The following FAN1 variants were observed in gnomAD, a reference collection of about 807,000 sequenced individuals.
FAN1 encodes FANCD2 and FANCI associated nuclease 1, also known as fanconi-associated nuclease 1.
A neutral mutation model predicts 104.9 loss-of-function variants in FAN1; 91 were observed. The ratio of observed to expected loss-of-function variants is 0.87; its 90% CI spans 0.73 to 1.03. The LOEUF (loss-of-function observed/expected upper bound fraction) is 1.03. Among genes scored for constraint, FAN1 ranks in the 50% least tolerant of loss-of-function variants. The pLI is 0.00. For missense variants in FAN1, 1,263 were observed against 1,239.9 expected (o/e 1.02, Z -0.28); for synonymous variants, 478 against 457.6 (o/e 1.04, Z -0.57).
chr15:30,918,097 G>C (rs2062232789), intron 5 of FAN1, 67 bp from the exon 6 acceptor site: 2 of 1,523,312 alleles, frequency 1.3e-6, no homozygotes, highest in Non-Finnish European at 9.1e-7. Flanking sequence ...AGATCTAGTG[G>C]CTAGGATGTG....
intron 12 of FAN1, 87 bp downstream of exon 12, chr15:30,929,484 A>G (rs944374056): frequency 2.3e-6 from 2 of 867,778 alleles, no homozygotes; most frequent in African/African-American, 1.8e-5. Flanking sequence ...CAAAATACAC[A>G]TGTGTGTATA....
intron 3 of FAN1, among the ~76,000 whole-genome samples, chr15:30,909,899 G>A (rs770563882): frequency 6.6e-6 from 1 of 152,218 alleles, no homozygotes; most frequent in Non-Finnish European, 1.5e-5. Context: ...TTTGCCTCCT[G>A]AGTTGTGTTT....
chr15:30,911,417 T>C (rs2062098691), intron 4 of FAN1: 2 of 983,936 alleles, frequency 2.0e-6, no homozygotes, highest in Non-Finnish European at 2.4e-6. Flanking sequence ...GAAAACACTT[T>C]AACATGATGT....
At position 30,904,492 on chromosome 15, in the gene FAN1, A is replaced by G. The variant is rs906464148; in HGVS notation, c.-152-20A>G. Reference sequence around the variant, plus strand: ...GAATTCATAAAAATGTTTTTAATTTATATGTGTTTCTTCTTGTAGGAAGAA... The same window carrying G: ...GAATTCATAAAAATGTTTTTAATTTGTATGTGTTTCTTCTTGTAGGAAGAA... On this transcript the variant is annotated intron_variant, in intron 1 of 14. Transcript: ENST00000362065. The G allele has an allele frequency of 5.3e-6, 4 of 755,452 alleles. No homozygotes were observed. The African/African-American group carries it at 7.0e-5, about 13-fold the overall frequency. 46.8% of individuals were successfully genotyped at this position (755,452 alleles called of 1,614,324 possible).
intron 14 of FAN1, chr15:30,941,108 T>C: frequency 8.1e-7 from 1 of 1,239,574 alleles, no homozygotes; most frequent in African/African-American, 1.6e-5. Context: ...GAAACACAAA[T>C]TTCCTAACTT....
In FAN1 at chr15:30,903,945, A is replaced by G. The variant is rs2061904864; in HGVS notation, c.-219A>G. On this transcript the variant is annotated 5_prime_UTR_variant, in exon 1 of 15. Coordinates refer to ENST00000362065, the MANE Select transcript of FAN1 (RefSeq NM_014967.5). ...TGGGTGACAGGGCACCGAGGGAAGG[A>G]GGACGCGAGGGCAGCCAGGCCCTAG... is the stretch of plus-strand genomic sequence containing the variant. 6.6e-6 allele frequency: 1 copy of G among 152,450 alleles called. No homozygotes were observed. The highest frequency in any genetic ancestry group is 1.5e-5 in the Non-Finnish European group (1 of 68,270). 9.4% of individuals were successfully genotyped at this position (152,450 alleles called of 1,614,324 possible). A position where few individuals can be genotyped will look rare whatever the true frequency, so the allele number is the denominator to read the frequency against.
chr15:30,924,595 A>T (rs1368618491), intron 8 of FAN1, among the ~76,000 whole-genome samples: 1 of 152,124 alleles, frequency 6.6e-6, no homozygotes, highest in Admixed American at 6.5e-5. Context: ...CGCCTTGGGA[A>T]ATACTTGTAA....
rs1360751815 is a variant in FAN1, at chr15:30,932,793, A to C, written c.2916+2122A>C. 1.0e-4 allele frequency among the ~76,000 whole-genome samples: 15 copies of C among 150,136 alleles called. 1 individual carries two copies. In the Admixed American group the frequency reaches 1.0e-3, roughly 10 times the overall value. ...TAGTAGCGTGAGTTAGCTCACTGCAACTTCCGCCTCCTGGGTTCAAGTGAT... is the reference window on the plus strand; with the variant it reads ...TAGTAGCGTGAGTTAGCTCACTGCACCTTCCGCCTCCTGGGTTCAAGTGAT... On this transcript the variant is annotated intron_variant, in intron 13 of 14. Transcript: ENST00000362065.
rs774771247 is a variant in FAN1 at position 30,928,630 on chromosome 15, C to G, written c.2566C>G (p.Pro856Ala). Residue 856 changes from proline (P) to alanine (A), a missense_variant, in exon 11 of 15, where the codon CCG becomes GCG. Around this residue, in one of 2 missense-constraint regions of FAN1, gnomAD observed 581 missense variants for 668.8 expected, o/e 0.87. Transcript: ENST00000362065. ...LWDIIFMDGI[P>A]DVFRNACQAF... Reference sequence around the variant, plus strand: ...GGACATCATCTTCATGGATGGGATTCCGGATGTCTTCAGAAACGCCTGTCA... The same window carrying G: ...GGACATCATCTTCATGGATGGGATTGCGGATGTCTTCAGAAACGCCTGTCA... 3.0e-5 allele frequency: 48 copies of G among 1,613,606 alleles called. No individual in the cohort carries two copies. The highest frequency in any genetic ancestry group is 1.6e-4 in the Middle Eastern group (1 of 6,084).
intron 7 of FAN1, 34 bp downstream of exon 7, chr15:30,920,687 T>C (rs1370573797): frequency 8.0e-7 from 1 of 1,252,478 alleles, no homozygotes; most frequent in Non-Finnish European, 1.2e-6. Context: ...CCACCATTAC[T>C]GATGTGATGG....
chr15:30,930,512 A>C, intron 12 of FAN1, 31 bp from the exon 13 acceptor site: 1 of 1,563,116 alleles, frequency 6.4e-7, no homozygotes, highest in Non-Finnish European at 8.6e-7. Context: ...TCACGAGGGA[A>C]GTGGCTAACT....
intron 3 of FAN1, among the ~76,000 whole-genome samples, chr15:30,909,176 C>A (rs2062045033): frequency 6.6e-6 from 1 of 152,134 alleles, no homozygotes; most frequent in Non-Finnish European, 1.5e-5. Context: ...GAAATGTGAG[C>A]CTTGGGTTCA....
rs887501214 is a variant in FAN1, at chr15:30,940,381, C to T, written c.*4-1185C>T. ...CTGGGGGAGCACTTCTGTCGCTATT[C>T]AAATGGCAGTGTTTTGAGAGAATCC... On this transcript the variant is annotated intron_variant, in intron 14 of 14. Transcript: ENST00000362065. The T allele has an allele frequency of 4.1e-6, 4 of 985,286 alleles. No individual in the cohort carries two copies. The African/African-American group carries it at 5.2e-5, about 13-fold the overall frequency. 61.0% of individuals were successfully genotyped at this position (985,286 alleles called of 1,614,324 possible). A position where few individuals can be genotyped will look rare whatever the true frequency, so the allele number is the denominator to read the frequency against.
chr15:30,909,663 G>A (rs2062055600), intron 3 of FAN1, among the ~76,000 whole-genome samples: 1 of 152,220 alleles, frequency 6.6e-6, no homozygotes, highest in African/African-American at 2.4e-5. Context: ...GGCTCTGGCT[G>A]TCCCTCTCGC....
chr15:30,937,901 G>C (rs2062907970), intron 14 of FAN1, among the ~76,000 whole-genome samples: 1 of 151,974 alleles, frequency 6.6e-6, no homozygotes, highest in Non-Finnish European at 1.5e-5. Context: ...AAAAGTAGTG[G>C]CTGGGCACAG....
At chr15:30,928,749 A>G in intron 11 of FAN1, 93 bp downstream of exon 11, 1 of 1,587,102 alleles carries the variant, frequency 6.3e-7, no homozygotes, top group East Asian at 2.2e-5. Context: ...GCCAGCAGAA[A>G]CCATCTCTGT....
chr15:30,921,866 C>T (rs545082709), intron 7 of FAN1, among the ~76,000 whole-genome samples: 8 of 152,334 alleles, frequency 5.3e-5, no homozygotes, highest in East Asian at 3.9e-4. Context: ...GTCCTGTGAC[C>T]TGCTGTGTTC....
At chr15:30,939,649 CAA>C (rs1229942524) in intron 14 of FAN1, 1 of 521,680 alleles carries the variant, frequency 1.9e-6, no homozygotes, top group African/African-American at 3.1e-5. Context: ...TAAAATACTA[CAA>C]GAGTTAAAAT....
intron 14 of FAN1, among the ~76,000 whole-genome samples, chr15:30,938,250 C>T (rs931721392): frequency 6.6e-6 from 1 of 152,036 alleles, no homozygotes; most frequent in Non-Finnish European, 1.5e-5. Context: ...ATATGGGAAA[C>T]CGAGATTCTT....
Sources: gnomAD v4.1 joint callset for allele counts (sites outside exome capture counted in the v4.1 genomes callset) on GRCh38, gnomAD v4.1.1 for gene constraint, gnomAD v4.1.1 regional missense constraint, MANE v1.5 for transcripts, NCBI Gene and HGNC (gene_info 2026-07-23, HGNC 2026-07-21) for gene names.